OSBP2: variants seen among roughly 807,000 people sequenced by gnomAD.
OSBP2 encodes oxysterol-binding protein 2.
A neutral mutation model predicts 96.0 loss-of-function variants in OSBP2; 66 were observed. That is an observed-to-expected ratio of 0.69 (90% CI 0.56 to 0.84). The LOEUF (loss-of-function observed/expected upper bound fraction) is 0.84, where lower values mean the gene tolerates loss of function less well. Among genes scored for constraint, OSBP2 ranks in the 40% least tolerant of loss-of-function variants. OSBP2 has a pLI of 0.00. For synonymous variants in OSBP2, 525 were observed against 520.9 expected (o/e 1.01, Z -0.11); for missense variants, 1,038 against 1,222.7 (o/e 0.85, Z 2.25).
At chr22:30,807,500 C>T (rs1487000408) in intron 2 of OSBP2, among the ~76,000 whole-genome samples, 1 of 152,190 alleles carries the variant, frequency 6.6e-6, no homozygotes, top group Non-Finnish European at 1.5e-5. Flanking sequence ...GCTGACCCTT[C>T]CCTGGCCCAC....
intron 1 of OSBP2, among the ~76,000 whole-genome samples, chr22:30,707,526 AAC>A (rs1227304877): frequency 1.3e-5 from 2 of 151,554 alleles, no homozygotes; most frequent in Admixed American, 1.3e-4. Flanking sequence ...CATCCTGGCT[AAC>A]ACAGTGAAAC....
chr22:30,711,739 CAAAAAAA>C (rs34152986), intron 1 of OSBP2, among the ~76,000 whole-genome samples: 4 of 91,848 alleles, frequency 4.4e-5, no homozygotes, highest in Non-Finnish European at 6.3e-5. Flanking sequence ...GACCCTATCT[CAAAAAAA>C]AAAAAAAAAA....
intron 1 of OSBP2, among the ~76,000 whole-genome samples, chr22:30,698,443 C>CTT (rs1186569854): frequency 1.5e-4 from 21 of 143,164 alleles, no homozygotes; most frequent in South Asian, 4.4e-4. Context: ...TTTTCTTTTT[C>CTT]TTTTTTTTTT....
At chr22:30,856,572 A>G (rs996459881) in intron 2 of OSBP2, among the ~76,000 whole-genome samples, 2 of 151,602 alleles carry the variant, frequency 1.3e-5, no homozygotes, top group African/African-American at 4.8e-5. Flanking sequence ...TTTTTAGTAG[A>G]GACGGGATTT....
chr22:30,833,042 G>A (rs74604520), intron 2 of OSBP2, among the ~76,000 whole-genome samples: 2,061 of 152,302 alleles, frequency 0.014, 26 homozygotes, highest in Middle Eastern at 0.048. Context: ...GTGTCAGTGC[G>A]CGAGTTCTCA....
intron 2 of OSBP2, among the ~76,000 whole-genome samples, chr22:30,780,874 A>G (rs969814808): frequency 1.3e-5 from 2 of 152,208 alleles, no homozygotes; most frequent in Non-Finnish European, 2.9e-5. Context: ...ACTCAAATGT[A>G]AAAACCTCCA....
At chr22:30,794,906 T>C (rs1310638070) in intron 2 of OSBP2, among the ~76,000 whole-genome samples, 1 of 148,356 alleles carries the variant, frequency 6.7e-6, no homozygotes, top group African/African-American at 2.6e-5. Context: ...TCAATATTTA[T>C]ATAACTACTT....
chr22:30,888,243 G>T lies in OSBP2; in HGVS notation c.1321G>T (p.Gly441Ter). 6.2e-7 allele frequency: 1 copy of T among 1,611,996 alleles called. No individual in the cohort carries two copies. Among genetic ancestry groups the T allele is most frequent in the Non-Finnish European group, 8.5e-7 (1 of 1,178,112 alleles). Reference protein sequence around the residue: ...FIEGSLLTPKGEDSEEDEDTE... With the variant: ...FIEGSLLTPK ...TCTAGGAAGCCTCTTGACTCCCAAA[G>T]GAGAGGACAGTGAGGAAGATGAAGA... Residue 441 changes from glycine to a stop codon, truncating the protein, a stop_gained, in exon 5 of 14, where the codon GGA (glycine) becomes TGA (stop). Coordinates refer to ENST00000332585, the MANE Select transcript of OSBP2 (RefSeq NM_030758.4). LOFTEE classifies it high-confidence loss of function.
At chr22:30,741,056 CAGCTCTGAGGGTCTG>C (rs1176211831) in intron 1 of OSBP2, 90 bp from the exon 2 acceptor site, 4 of 902,038 alleles carry the variant, frequency 4.4e-6, no homozygotes, top group Non-Finnish European at 6.8e-6. Context: ...GGGCCTCTCC[CAGCTCTGAGGGTCTG>C]AGATTCTGAG....
upstream of OSBP2, chr22:30,694,801 C>G: frequency 9.0e-6 from 5 of 556,574 alleles, no homozygotes; most frequent in Non-Finnish European, 1.1e-5. Context: ...GAGGAACCCG[C>G]GCGCGCCCCC....
chr22:30,709,135 A>G (rs894087419), intron 1 of OSBP2, among the ~76,000 whole-genome samples: 3 of 152,052 alleles, frequency 2.0e-5, no homozygotes, highest in African/African-American at 4.8e-5. Context: ...AAATAAATAA[A>G]CAAAAACATA....
Position 30,838,891 on chromosome 22 carries a change from T to TA in OSBP2, c.854-31538_854-31537insA, listed in dbSNP as rs1602338737. Among the ~76,000 whole-genome samples the TA allele has an allele frequency of 2.0e-5, 3 of 151,824 alleles. No homozygotes were observed. In the East Asian group the frequency reaches 5.8e-4, roughly 29 times the overall value. The stretch of plus-strand genomic sequence containing the variant: ...AGGGTACATGTGCACAATGTGCAGG[T>TA]TAGTTACATATGTATACATGTGGCA... On this transcript the variant is annotated intron_variant, in intron 2 of 13. Transcript: ENST00000332585.
chr22:30,838,827 C>T (rs1016160208), intron 2 of OSBP2, among the ~76,000 whole-genome samples: 15 of 149,634 alleles, frequency 1.0e-4, no homozygotes, highest in East Asian at 5.9e-4. Flanking sequence ...GTTGTTGTTT[C>T]GTTTTGTTTT....
chr22:30,822,752 C>CCT, intron 2 of OSBP2: 1 of 1,471,358 alleles, frequency 6.8e-7, no homozygotes, highest in Non-Finnish European at 9.1e-7. Context: ...GGCCAGGCTC[C>CCT]CCGCGCATGC....
Position 30,881,876 on chromosome 22 carries a change from T to C in OSBP2, c.1108-5550T>C. The C allele has an allele frequency of 1.6e-6, 2 of 1,261,672 alleles. No homozygotes were observed. Among genetic ancestry groups the C allele is most frequent in the African/African-American group, 1.5e-5 (1 of 65,122 alleles). The allele number at this position is 1,261,672 out of a possible 1,614,324, so 78.2% of individuals were successfully genotyped here. ...GGGTGACCAGGCAGCTCATGTGCTG[T>C]GGGGGTAAAGGTCTTGGGTGCAGCC... is the stretch of plus-strand genomic sequence containing the variant. On this transcript the variant is annotated intron_variant, in intron 3 of 13. Transcript: ENST00000332585. The surrounding 1 kb of genome is among the most constrained non-coding windows in gnomAD (Gnocchi z 4.5).
intron 2 of OSBP2, chr22:30,764,117 G>C: frequency 2.8e-6 from 1 of 355,358 alleles, no homozygotes; most frequent in Non-Finnish European, 3.9e-6. Flanking sequence ...ACTTCTGGGG[G>C]GCTAGCCTAG....
In OSBP2 at chr22:30,800,184, T is replaced by A. The variant is rs141451081; in HGVS notation, c.853+58815T>A. Among the ~76,000 whole-genome samples the A allele has an allele frequency of 4.3e-3, 658 of 152,310 alleles. 7 individuals carry two copies. Among genetic ancestry groups the A allele is most frequent in the African/African-American group, 0.015 (635 of 41,558 alleles). Reference sequence around the variant, plus strand: ...GCTATTAAGCCCCTCTTAGTGGTATTGTGGACACTTTGCTGGGAGCTGACA... The same window carrying A: ...GCTATTAAGCCCCTCTTAGTGGTATAGTGGACACTTTGCTGGGAGCTGACA... On this transcript the variant is annotated intron_variant, in intron 2 of 13. Transcript: ENST00000332585.
intron 2 of OSBP2, among the ~76,000 whole-genome samples, chr22:30,765,082 C>T (rs2090253983): frequency 6.6e-6 from 1 of 152,072 alleles, no homozygotes; most frequent in Non-Finnish European, 1.5e-5. Flanking sequence ...TTTATAGAGA[C>T]AGGGCCTCAC....
At chr22:30,846,580 G>C (rs942941434) in intron 2 of OSBP2, among the ~76,000 whole-genome samples, 6 of 151,538 alleles carry the variant, frequency 4.0e-5, no homozygotes, top group Non-Finnish European at 8.8e-5. Flanking sequence ...TCTCACTGTG[G>C]GTTTTTTTTT....
Sources: gnomAD v4.1 joint callset for allele counts (sites outside exome capture counted in the v4.1 genomes callset) on GRCh38, gnomAD v4.1.1 for gene constraint, Gnocchi (gnomAD v3.1) non-coding constraint, MANE v1.5 for transcripts, NCBI Gene and HGNC (gene_info 2026-07-23, HGNC 2026-07-21) for gene names.